LARP1: variants seen among roughly 807,000 people sequenced by gnomAD.
The protein encoded by LARP1 is la-related protein 1.
A neutral mutation model predicts 122.7 loss-of-function variants in LARP1; 36 were observed. The observed-to-expected ratio is 0.29, with a 90% CI of 0.22 to 0.39. LARP1 has a LOEUF of 0.39. Among genes scored for constraint, LARP1 ranks in the 10% least tolerant of loss-of-function variants. LARP1 has a pLI of 1.00. For missense variants in LARP1, 1,040 were observed against 1,403.6 expected, an observed-to-expected ratio of 0.74 and a Z score of 4.14; for synonymous variants, 539 against 528.7, an observed-to-expected ratio of 1.02 and a Z score of -0.27.
intron 1 of LARP1, among the ~76,000 whole-genome samples, chr5:154,748,204 G>A (rs867116122): frequency 1.3e-5 from 2 of 152,134 alleles, no homozygotes; most frequent in Admixed American, 6.6e-5. Context: ...TTCAAAAGAT[G>A]TATATATAAA....
chr5:154,685,041 C>T (rs975531910), intron 1 of LARP1, among the ~76,000 whole-genome samples: 9 of 152,194 alleles, frequency 5.9e-5, no homozygotes, highest in African/African-American at 7.2e-5. Flanking sequence ...GTCAGCAGTT[C>T]GACACCAGCC....
chr5:154,777,075 C>G (rs1755955477), intron 1 of LARP1, among the ~76,000 whole-genome samples: 1 of 152,154 alleles, frequency 6.6e-6, no homozygotes, highest in African/African-American at 2.4e-5. Flanking sequence ...ACAAATGGCA[C>G]AACGTACTAT....
intron 1 of LARP1, among the ~76,000 whole-genome samples, chr5:154,787,682 A>T (rs528451575): frequency 6.6e-6 from 1 of 152,228 alleles, no homozygotes; most frequent in East Asian, 1.9e-4. Flanking sequence ...GTCAGGGGCA[A>T]CCTGAAGCCC....
At chr5:154,812,848 T>A (rs1383902837) in intron 18 of LARP1, among the ~76,000 whole-genome samples, 1 of 151,902 alleles carries the variant, frequency 6.6e-6, no homozygotes, top group African/African-American at 2.4e-5. Flanking sequence ...TCAGATCTTG[T>A]GAGAACTCAC....
intron 1 of LARP1, among the ~76,000 whole-genome samples, chr5:154,742,069 C>T (rs1311658410): frequency 6.6e-6 from 1 of 152,208 alleles, no homozygotes; most frequent in African/African-American, 2.4e-5. Flanking sequence ...ATTGGCCAAC[C>T]TCTCTGATCC....
At chr5:154,787,457 G>A (rs757858057) in intron 1 of LARP1, among the ~76,000 whole-genome samples, 1 of 152,196 alleles carries the variant, frequency 6.6e-6, no homozygotes, top group Non-Finnish European at 1.5e-5. Context: ...TACCTGGTGA[G>A]GGTTGGTGGC....
At chr5:154,792,866 G>C in intron 4 of LARP1, 70 bp downstream of exon 4, 11 of 1,506,524 alleles carry the variant, frequency 7.3e-6, no homozygotes, top group Admixed American at 1.9e-5. Flanking sequence ...GACTCCAGGG[G>C]ACTGCTGGAG....
At chr5:154,707,565 TA>T (rs1200080376) in intron 1 of LARP1, among the ~76,000 whole-genome samples, 1 of 152,258 alleles carries the variant, frequency 6.6e-6, no homozygotes, top group African/African-American at 2.4e-5. Context: ...CACTATTTGC[TA>T]AAGCAGCAGT....
At chr5:154,723,439 C>G (rs931405304) in intron 1 of LARP1, among the ~76,000 whole-genome samples, 1 of 152,176 alleles carries the variant, frequency 6.6e-6, no homozygotes. Context: ...CCAAGTATTA[C>G]CATGGACTGG....
At position 154,802,018 on chromosome 5, in the gene LARP1, G is replaced by A. The variant is rs377539149; in HGVS notation, c.1728G>A (p.Glu576=). 3.1e-5 allele frequency: 50 copies of A among 1,612,276 alleles called. No individual in the cohort carries two copies. The highest frequency in any genetic ancestry group is 4.0e-5 in the Non-Finnish European group (47 of 1,179,140). The part of the protein sequence containing the change: ...PSPARPKKSE[E]SRFSHLTSLP... ...CTGTCCTATTTTAGAAGTCAGAGGA[G>A]TCCAGATTTTCCCACCTGACCTCTC... The change falls in exon 11 of 19, where the codon GAG becomes GAA. Residue 576 remains glutamate, a synonymous_variant. Coordinates refer to ENST00000518297, the MANE Select transcript of LARP1 (RefSeq NM_033551.3). The surrounding 1 kb of genome is among the most constrained non-coding windows in gnomAD (Gnocchi z 5.1).
chr5:154,715,264 CTTTTTT>C (rs35808885), intron 1 of LARP1, among the ~76,000 whole-genome samples: 2 of 90,234 alleles, frequency 2.2e-5, no homozygotes, highest in Admixed American at 1.2e-4. Flanking sequence ...GCAAGCCTCT[CTTTTTT>C]TTTTTTTTTT....
intron 1 of LARP1, among the ~76,000 whole-genome samples, chr5:154,704,277 A>C (rs1754848144): frequency 6.6e-6 from 1 of 152,196 alleles, no homozygotes; most frequent in Admixed American, 6.5e-5. Flanking sequence ...TGTGAGACTA[A>C]GCAATTTTCT....
chr5:154,684,044 A>AT (rs1753811868), intron 1 of LARP1, among the ~76,000 whole-genome samples: 1 of 152,228 alleles, frequency 6.6e-6, no homozygotes, highest in African/African-American at 2.4e-5. Context: ...AACCTGGCTT[A>AT]TGAGACACTG....
Position 154,795,221 on chromosome 5 carries a change from C to T in LARP1, c.1279C>T (p.Arg427Ter). Residue 427 changes from arginine (R) to a stop codon, truncating the protein, a stop_gained, in exon 8 of 19, where the codon CGA (arginine) becomes TGA (stop). Coordinates refer to ENST00000518297, the MANE Select transcript of LARP1 (RefSeq NM_033551.3). LOFTEE classifies it high-confidence loss of function. Reference protein sequence around the residue: ...VDNLERDFFLRRKMDADGFLP... With the variant: ...VDNLERDFFL ...CAATTTAGAGCGAGACTTCTTCCTG[C>T]GAAGGAAAATGGATGCTGATGGTTT... 6.2e-7 allele frequency: 1 copy of T among 1,613,902 alleles called. No individual in the cohort carries two copies. The highest frequency in any genetic ancestry group is 8.5e-7 in the Non-Finnish European group (1 of 1,179,782).
At chr5:154,799,226 T>C (rs568417110) in intron 8 of LARP1, among the ~76,000 whole-genome samples, 4 of 152,346 alleles carry the variant, frequency 2.6e-5, no homozygotes, top group African/African-American at 7.2e-5. Flanking sequence ...TTAAATTGCC[T>C]ATGCGATGGC....
intron 1 of LARP1, among the ~76,000 whole-genome samples, chr5:154,780,913 A>G (rs1167216208): frequency 1.3e-5 from 2 of 152,058 alleles, no homozygotes; most frequent in African/African-American, 2.4e-5. Flanking sequence ...AATACAAAAA[A>G]TTAGACAGGC....
intron 13 of LARP1, 136 bp from the exon 14 acceptor site, chr5:154,804,065 A>G: frequency 1.4e-6 from 1 of 715,004 alleles, no homozygotes; most frequent in South Asian, 1.7e-5. Flanking sequence ...ACCACTGTGA[A>G]CTTTATACGA....
intron 1 of LARP1, among the ~76,000 whole-genome samples, chr5:154,742,494 G>T (rs186001208): frequency 7.9e-5 from 12 of 152,236 alleles, no homozygotes; most frequent in African/African-American, 2.6e-4. Context: ...GGGAGGCGGA[G>T]GTTGCAGTGA....
At chr5:154,756,600 G>A in intron 1 of LARP1, 1 of 659,440 alleles carries the variant, frequency 1.5e-6, no homozygotes, top group Non-Finnish European at 1.9e-6. Context: ...CGTTTTGGTA[G>A]CGTTGCGAGC....
Sources: gnomAD v4.1 joint callset for allele counts (sites outside exome capture counted in the v4.1 genomes callset) on GRCh38, gnomAD v4.1.1 for gene constraint, Gnocchi (gnomAD v3.1) non-coding constraint, MANE v1.5 for transcripts, NCBI Gene and HGNC (gene_info 2026-07-23, HGNC 2026-07-21) for gene names.